EEFSEC: variants seen among roughly 807,000 people sequenced by gnomAD.
EEFSEC encodes eukaryotic elongation factor, selenocysteine-tRNA specific, also known as selenocysteine-specific elongation factor.
A neutral mutation model predicts 42.1 loss-of-function variants in EEFSEC; 43 were observed. That is an observed-to-expected ratio of 1.02 (90% CI 0.80 to 1.32). EEFSEC has a LOEUF of 1.32. Among genes scored for constraint, EEFSEC ranks in the 40% most tolerant of loss-of-function variants. The pLI, the probability that EEFSEC is intolerant of heterozygous loss-of-function variation, is 0.00. For synonymous variants in EEFSEC, 354 were observed against 339.1 expected (o/e 1.04, Z -0.48); for missense variants, 745 against 803.6 (o/e 0.93, Z 0.88).
intron 4 of EEFSEC, among the ~76,000 whole-genome samples, chr3:128,324,902 G>T (rs1444709436): frequency 1.3e-5 from 2 of 152,236 alleles, no homozygotes; most frequent in Admixed American, 6.5e-5. Context: ...TTAGCACAGG[G>T]TAACCTTCCT....
In EEFSEC at chr3:128,383,245, C is replaced by T. The variant is rs184176185; in HGVS notation, c.1601-24824C>T. 1.2e-4 allele frequency among the ~76,000 whole-genome samples: 18 copies of T among 152,300 alleles called. 1 individual carries two copies. In the East Asian group the frequency reaches 1.7e-3, roughly 15 times the overall value. ...CATCTATTGGTTACAAGCCTGTCCC[C>T]GTTACAGAAATAACTCACACCATGC... On this transcript the variant is annotated intron_variant, in intron 6 of 6. Coordinates refer to ENST00000254730, the MANE Select transcript of EEFSEC (RefSeq NM_021937.5).
chr3:128,302,624 T>G (rs187651603), intron 4 of EEFSEC, among the ~76,000 whole-genome samples: 3,384 of 152,124 alleles, frequency 0.022, 119 homozygotes, highest in African/African-American at 0.073. Context: ...TGTTTTTTTT[T>G]GGGGGAGGTA....
chr3:128,382,463 G>T (rs139719697), intron 6 of EEFSEC, among the ~76,000 whole-genome samples: 1 of 152,220 alleles, frequency 6.6e-6, no homozygotes, highest in Non-Finnish European at 1.5e-5. Context: ...ATGTGTGTGC[G>T]TGCTCACGCT....
At chr3:128,392,243 A>T (rs2067922716) in intron 6 of EEFSEC, among the ~76,000 whole-genome samples, 1 of 152,188 alleles carries the variant, frequency 6.6e-6, no homozygotes. Context: ...GGCAGCAGAC[A>T]TTGCAGATGC....
rs150602158 is a variant in EEFSEC, at chr3:128,333,930, G to C, written c.787-7303G>C. Among the ~76,000 whole-genome samples, 300 of 152,336 alleles carry C rather than the reference G, an allele frequency of 2.0e-3. 1 individual carries two copies. The Middle Eastern group carries it at 0.024, about 12-fold the overall frequency. On this transcript the variant is annotated intron_variant, in intron 4 of 6. Coordinates refer to ENST00000254730, the MANE Select transcript of EEFSEC (RefSeq NM_021937.5). Reference sequence around the variant, plus strand: ...CATCGGGCCTGGGAGCAGTCAGAAGGGGGTGTTCATTTGTTCTCTCATCCA... The same window carrying C: ...CATCGGGCCTGGGAGCAGTCAGAAGCGGGTGTTCATTTGTTCTCTCATCCA...
intron 6 of EEFSEC, among the ~76,000 whole-genome samples, chr3:128,384,079 A>C (rs186758234): frequency 6.6e-6 from 1 of 152,352 alleles, no homozygotes; most frequent in African/African-American, 2.4e-5. Context: ...ATCTTTGTGA[A>C]AGTGGTGAGC....
intron 4 of EEFSEC, among the ~76,000 whole-genome samples, chr3:128,266,364 GC>G (rs1442502655): frequency 2.0e-5 from 3 of 152,070 alleles, no homozygotes; most frequent in Non-Finnish European, 2.9e-5. Context: ...CCCATGTCTT[GC>G]GTGTGCCATC....
chr3:128,385,408 C>T (rs2067827099), intron 6 of EEFSEC, among the ~76,000 whole-genome samples: 1 of 152,212 alleles, frequency 6.6e-6, no homozygotes, highest in Non-Finnish European at 1.5e-5. Flanking sequence ...GGAATGCAGG[C>T]CCACATTTTA....
At chr3:128,220,473 C>A (rs1473443309) in intron 1 of EEFSEC, among the ~76,000 whole-genome samples, 2 of 152,146 alleles carry the variant, frequency 1.3e-5, no homozygotes, top group Non-Finnish European at 2.9e-5. Context: ...TCACAGGAAA[C>A]AAGAGACAAC....
chr3:128,371,041 A>G (rs1470360688), intron 6 of EEFSEC, among the ~76,000 whole-genome samples: 5 of 152,262 alleles, frequency 3.3e-5, no homozygotes, highest in Non-Finnish European at 5.9e-5. Flanking sequence ...TAAAATGAGT[A>G]GGACATTGTT....
intron 4 of EEFSEC, among the ~76,000 whole-genome samples, chr3:128,292,462 A>G (rs2066654168): frequency 6.6e-6 from 1 of 151,698 alleles, no homozygotes; most frequent in African/African-American, 2.4e-5. Context: ...TTTCTTTAAG[A>G]GGAGTCTTTT....
At chr3:128,350,946 C>A (rs1485891224) in intron 5 of EEFSEC, among the ~76,000 whole-genome samples, 6 of 152,182 alleles carry the variant, frequency 3.9e-5, no homozygotes, top group Non-Finnish European at 7.3e-5. Context: ...CATCCTAGGT[C>A]CCCTTCCAGA....
At chr3:128,288,805 C>G (rs919517319) in intron 4 of EEFSEC, among the ~76,000 whole-genome samples, 18 of 152,222 alleles carry the variant, frequency 1.2e-4, no homozygotes, top group Non-Finnish European at 2.4e-4. Flanking sequence ...TGCTATTGGA[C>G]TGGGCCAGTG....
chr3:128,376,959 C>T (rs993075606), intron 6 of EEFSEC, among the ~76,000 whole-genome samples: 4 of 152,110 alleles, frequency 2.6e-5, no homozygotes, highest in South Asian at 2.1e-4. Context: ...TGCCCAGCAG[C>T]GGCACAATCT....
chr3:128,181,906 C>T (rs554775936), intron 1 of EEFSEC, among the ~76,000 whole-genome samples: 20 of 152,308 alleles, frequency 1.3e-4, no homozygotes, highest in Middle Eastern at 3.4e-3. Context: ...CTCCGCCTCC[C>T]GGGTTCAAGC....
intron 4 of EEFSEC, among the ~76,000 whole-genome samples, chr3:128,287,759 A>G (rs1175541854): frequency 6.6e-6 from 1 of 152,246 alleles, no homozygotes; most frequent in Non-Finnish European, 1.5e-5. Context: ...TGTTAAAAAA[A>G]TAGGTAATGG....
chr3:128,341,546 T>C lies in EEFSEC; in HGVS notation c.1100T>C (p.Phe367Ser). 1 of 1,614,072 alleles carries C rather than the reference T, an allele frequency of 6.2e-7. No homozygotes were observed. The highest frequency in any genetic ancestry group is 8.5e-7 in the Non-Finnish European group (1 of 1,180,040). ...GACCAGGAGCCTATACTGGACTCTT[T>C]CAACTTCTCTCAAGAATACCTTTTC... ...NFDQEPILDS[F>S]NFSQEYLFQE... Residue 367 changes from phenylalanine (F) to serine (S), a missense_variant, in exon 5 of 7, where the codon TTC (phenylalanine) becomes TCC (serine). Transcript: ENST00000254730.
chr3:128,254,933 T>C (rs763675859), intron 2 of EEFSEC, among the ~76,000 whole-genome samples: 12 of 152,110 alleles, frequency 7.9e-5, no homozygotes, highest in Non-Finnish European at 1.3e-4. Flanking sequence ...CAGGATGGAT[T>C]GGAGCAAGAT....
At chr3:128,402,471 G>A (rs575091862) in intron 6 of EEFSEC, among the ~76,000 whole-genome samples, 35 of 152,170 alleles carry the variant, frequency 2.3e-4, no homozygotes, top group Non-Finnish European at 4.3e-4. Flanking sequence ...AAAACGTGCC[G>A]CTCCCTTAGT....
Sources: gnomAD v4.1 joint callset for allele counts (sites outside exome capture counted in the v4.1 genomes callset) on GRCh38, gnomAD v4.1.1 for gene constraint, MANE v1.5 for transcripts, NCBI Gene and HGNC (gene_info 2026-07-23, HGNC 2026-07-21) for gene names.